Variants in PHACTR2 observed in about 807,000 individuals in gnomAD.
PHACTR2 encodes chromosome 6 open reading frame 56.
Under a neutral mutation model 76.0 loss-of-function variants are expected in PHACTR2, and 30 were observed. That is an observed-to-expected ratio of 0.39 (90% CI 0.30 to 0.54). The LOEUF (loss-of-function observed/expected upper bound fraction) is 0.54, where lower values mean the gene tolerates loss of function less well. Ranked by LOEUF, PHACTR2 falls within the 20% of genes least tolerant of loss-of-function variation. The probability of loss-of-function intolerance (pLI) is 0.61; values close to 1 mark genes in which losing one functional copy is unlikely to be tolerated. For missense variants in PHACTR2, 696 were observed against 781.1 expected (o/e 0.89, Z 1.30); for synonymous variants, 292 against 292.5 (o/e 1.00, Z 0.02).
At chr6:143,607,132 C>CA (rs1775887089), upstream of PHACTR2, among the ~76,000 whole-genome samples, 1 of 151,932 alleles carries the variant, frequency 6.6e-6, no homozygotes, top group South Asian at 2.1e-4. Context: ...AATTGCCTTT[C>CA]AAATTTGGCA....
At position 143,623,163 on chromosome 6, in the gene PHACTR2, A is replaced by G. The variant is rs150546219; in HGVS notation, c.13+14841A>G. Among the ~76,000 whole-genome samples the G allele has an allele frequency of 6.1e-3, 928 of 151,700 alleles. 3 individuals carry two copies. The highest frequency in any genetic ancestry group is 0.011 in the Non-Finnish European group (740 of 67,908). The stretch of plus-strand genomic sequence containing the variant: ...CATATTTTTAGACATGATTTAGTAT[A>G]TGTATTTTAAACTAAATTAATAAAT... On this transcript the variant is annotated intron_variant, in intron 1 of 11. Coordinates refer to the PHACTR2 transcript ENST00000305766. The surrounding 1 kb of genome is among the most constrained non-coding windows in gnomAD (Gnocchi z 5.9).
Position 143,556,446 on chromosome 6 carries a change from C to G in PHACTR2, c.217+19239C>G, listed in dbSNP as rs991888689. ...AAGGCAGCCAGCTTGATAGAATCAT[C>G]AAAAATAAAAATTGAGGCATATAAC... On this transcript the variant is annotated intron_variant, in intron 1 of 11. Coordinates refer to the PHACTR2 transcript ENST00000367584. The surrounding 1 kb of genome is among the most constrained non-coding windows in gnomAD (Gnocchi z 4.3). 1.3e-5 allele frequency among the ~76,000 whole-genome samples: 2 copies of G among 151,974 alleles called. No homozygotes were observed. The highest frequency in any genetic ancestry group is 4.8e-5 in the African/African-American group (2 of 41,370).
Position 143,608,359 on chromosome 6 carries a change from G to A in PHACTR2, c.13+37G>A. ...AAGCATGAATTCTTCATAGCTGCTGGCTTCCTTTGCAGCCCGCATCCTTTA... is the reference window on the plus strand; with the variant it reads ...AAGCATGAATTCTTCATAGCTGCTGACTTCCTTTGCAGCCCGCATCCTTTA... On this transcript the variant is annotated intron_variant, in intron 1 of 11. Coordinates refer to the PHACTR2 transcript ENST00000305766. This position sits in a 1 kb window ranked among gnomAD's most constrained non-coding sequence, Gnocchi z 4.6. 6.2e-7 allele frequency: 1 copy of A among 1,609,542 alleles called. No homozygotes were observed. Among genetic ancestry groups the A allele is most frequent in the Non-Finnish European group, 8.5e-7 (1 of 1,175,934 alleles).
At chr6:143,655,900 A>ATTGCCATGTGAGAAAAAG (rs1183516696) in intron 1 of PHACTR2, among the ~76,000 whole-genome samples, 1 of 152,246 alleles carries the variant, frequency 6.6e-6, no homozygotes, top group Non-Finnish European at 1.5e-5. Flanking sequence ...CTTCCTACGA[A>ATTGCCATGTGAGAAAAAG]TTGCCATGTG....
chr6:143,684,539 C>G lies in PHACTR2; in HGVS notation c.46+6330C>G, dbSNP rs1042330898. On this transcript the variant is annotated intron_variant, in intron 1 of 12. Coordinates refer to ENST00000440869, the MANE Select transcript of PHACTR2 (RefSeq NM_001100164.2). This position sits in a 1 kb window ranked among gnomAD's most constrained non-coding sequence, Gnocchi z 4.3. ...CATATTAGCAGTAGAGTTGCTAGGT[C>G]AAAAGATTTGTGTGTTTTATTTTGA... Among the ~76,000 whole-genome samples the G allele has an allele frequency of 2.0e-5, 3 of 152,186 alleles. No individual in the cohort carries two copies. The highest frequency in any genetic ancestry group is 7.2e-5 in the African/African-American group (3 of 41,442).
In PHACTR2 at chr6:143,755,354, C is replaced by T. The variant is rs1311324144; in HGVS notation, c.454+1442C>T. 2.2e-6 allele frequency: 1 copy of T among 456,092 alleles called. No individual in the cohort carries two copies. The highest frequency in any genetic ancestry group is 4.4e-6 in the Non-Finnish European group (1 of 226,806). 28.3% of individuals were successfully genotyped at this position (456,092 alleles called of 1,614,324 possible). On this transcript the variant is annotated intron_variant, in intron 4 of 12. Coordinates refer to ENST00000440869, the MANE Select transcript of PHACTR2 (RefSeq NM_001100164.2). The surrounding 1 kb of genome is among the most constrained non-coding windows in gnomAD (Gnocchi z 5.2). ...TGGTTTGTCCCTGGCAGCCTTCTCACATCCAAGAATCGCATCCTGCATTAC... is the reference window on the plus strand; with the variant it reads ...TGGTTTGTCCCTGGCAGCCTTCTCATATCCAAGAATCGCATCCTGCATTAC...
In PHACTR2 at chr6:143,829,178, A is replaced by G. The variant is rs1270713949; in HGVS notation, c.*5489A>G. The G allele has an allele frequency of 5.6e-5, 8 of 144,078 alleles. No homozygotes were observed. Among genetic ancestry groups the G allele is most frequent in the African/African-American group, 2.1e-4 (8 of 38,432 alleles). 8.9% of individuals were successfully genotyped at this position (144,078 alleles called of 1,614,324 possible). A position where few individuals can be genotyped will look rare whatever the true frequency, so the allele number is the denominator to read the frequency against. On this transcript the variant is annotated 3_prime_UTR_variant, in exon 13 of 13. Coordinates refer to ENST00000440869, the MANE Select transcript of PHACTR2 (RefSeq NM_001100164.2). ...TATATACTTAAAGGAGAGATCATAC[A>G]TGAAGAAAGCTTTTTTTTTTTTTTT...
intron 1 of PHACTR2, among the ~76,000 whole-genome samples, chr6:143,690,510 C>T (rs556101965): frequency 1.8e-4 from 28 of 152,174 alleles, no homozygotes; most frequent in African/African-American, 6.7e-4. Flanking sequence ...TGTATTAGAA[C>T]GTGGCTTTAT....
intron 1 of PHACTR2, among the ~76,000 whole-genome samples, chr6:143,668,687 T>C (rs996765002): frequency 3.3e-5 from 5 of 152,344 alleles, no homozygotes; most frequent in East Asian, 1.9e-4. Context: ...TATTCTCTGA[T>C]AGTAGTTCGT....
intron 1 of PHACTR2, among the ~76,000 whole-genome samples, chr6:143,626,387 A>T (rs1776257321): frequency 6.6e-6 from 1 of 152,084 alleles, no homozygotes; most frequent in South Asian, 2.1e-4. Context: ...AATAAAAAAA[A>T]TTAGCCGGGC....
At chr6:143,699,765 G>A (rs1777857687) in intron 1 of PHACTR2, among the ~76,000 whole-genome samples, 1 of 152,176 alleles carries the variant, frequency 6.6e-6, no homozygotes, top group Non-Finnish European at 1.5e-5. Context: ...TCTCCTCAGT[G>A]TCCCTCAGAT....
intron 1 of PHACTR2, among the ~76,000 whole-genome samples, chr6:143,702,724 C>G (rs1467502593): frequency 6.7e-6 from 1 of 149,036 alleles, no homozygotes; most frequent in African/African-American, 2.5e-5. Flanking sequence ...AATTACATTG[C>G]TCAGAACTAC....
intron 2 of PHACTR2, among the ~76,000 whole-genome samples, chr6:143,736,024 A>G (rs747387202): frequency 1.3e-5 from 2 of 152,220 alleles, no homozygotes; most frequent in Non-Finnish European, 2.9e-5. Flanking sequence ...GCACTCTTTT[A>G]ATTAATTATT....
At chr6:143,773,496 G>T (rs1775200667) in intron 7 of PHACTR2, among the ~76,000 whole-genome samples, 1 of 148,908 alleles carries the variant, frequency 6.7e-6, no homozygotes, top group African/African-American at 2.5e-5. Flanking sequence ...TGATTAAATG[G>T]CACTTTTTCA....
intron 2 of PHACTR2, among the ~76,000 whole-genome samples, chr6:143,714,747 C>T (rs1349270455): frequency 3.3e-5 from 5 of 152,182 alleles, no homozygotes; most frequent in African/African-American, 1.2e-4. Context: ...TCTTCTCCTG[C>T]ATGAGAGGTC....
intron 1 of PHACTR2, among the ~76,000 whole-genome samples, chr6:143,651,303 G>A (rs773434561): frequency 6.6e-6 from 1 of 152,022 alleles, no homozygotes; most frequent in South Asian, 2.1e-4. Flanking sequence ...AGACCTAGGA[G>A]CAGAAATACC....
intron 1 of PHACTR2, among the ~76,000 whole-genome samples, chr6:143,694,489 G>A (rs1777725281): frequency 6.6e-6 from 1 of 152,144 alleles, no homozygotes; most frequent in Non-Finnish European, 1.5e-5. Context: ...GGCCCTGAAT[G>A]TGAAGCCCTG....
chr6:143,725,174 C>T (rs1157649288), intron 2 of PHACTR2, among the ~76,000 whole-genome samples: 1 of 148,338 alleles, frequency 6.7e-6, no homozygotes, highest in African/African-American at 2.5e-5. Flanking sequence ...AGTTCTGTCA[C>T]TCCCCAAATC....
At position 143,598,939 on chromosome 6, in the gene PHACTR2, T is replaced by C. The variant is rs933281279; in HGVS notation, c.217+61732T>C. Reference sequence around the variant, plus strand: ...GGTTTAGTGGCGTGAATAGTAAACATAGTAGATTAGTCCTTTGTAATTAAA... The same window carrying C: ...GGTTTAGTGGCGTGAATAGTAAACACAGTAGATTAGTCCTTTGTAATTAAA... On this transcript the variant is annotated intron_variant, in intron 1 of 11. Transcript: ENST00000367584. The surrounding 1 kb of genome is among the most constrained non-coding windows in gnomAD (Gnocchi z 4.1). Among the ~76,000 whole-genome samples the C allele has an allele frequency of 3.3e-5, 5 of 152,198 alleles. No individual in the cohort carries two copies. Among genetic ancestry groups the C allele is most frequent in the African/African-American group, 4.8e-5 (2 of 41,450 alleles).
Sources: gnomAD v4.1 joint callset for allele counts (sites outside exome capture counted in the v4.1 genomes callset) on GRCh38, gnomAD v4.1.1 for gene constraint, Gnocchi (gnomAD v3.1) non-coding constraint, MANE v1.5 for transcripts, NCBI Gene and HGNC (gene_info 2026-07-23, HGNC 2026-07-21) for gene names.